Variants in ZNF804B observed in about 807,000 individuals in gnomAD.
The protein encoded by ZNF804B is zinc finger 804B.
In ZNF804B, 80 loss-of-function variants were observed where a neutral mutation model predicts 101.4. The observed-to-expected ratio is 0.79, with a 90% CI of 0.66 to 0.95. The LOEUF is 0.95. ZNF804B is among the 40% of genes least tolerant of loss of function. The pLI, the probability that ZNF804B is intolerant of heterozygous loss-of-function variation, is 0.00. For missense variants in ZNF804B, 1,673 were observed against 1,561.9 expected (o/e 1.07, Z -1.20); for synonymous variants, 622 against 558.8 (o/e 1.11, Z -1.59).
chr7:89,055,781 TC>T (rs1307862752), intron 1 of ZNF804B, among the ~76,000 whole-genome samples: 1 of 151,846 alleles, frequency 6.6e-6, no homozygotes, highest in Admixed American at 6.6e-5. Flanking sequence ...CTGCAAAAAA[TC>T]AATCAGAAAA....
chr7:89,063,109 A>G (rs1273854186), intron 1 of ZNF804B, among the ~76,000 whole-genome samples: 1 of 152,148 alleles, frequency 6.6e-6, no homozygotes, highest in Non-Finnish European at 1.5e-5. Flanking sequence ...AAGTAAGTAT[A>G]TTGTAAGTAT....
rs67535390 is a variant in ZNF804B, at chr7:89,212,252, T to TACACAC, written c.109-5871_109-5866dup. Among the ~76,000 whole-genome samples the TACACAC allele has an allele frequency of 9.4e-4, 82 of 87,176 alleles. No individual in the cohort carries two copies. In the Middle Eastern group the frequency reaches 0.015, roughly 16 times the overall value. 57.2% of individuals were successfully genotyped at this position (87,176 alleles called of 152,430 possible). ...TTATAGTGTCACATGCATTCAGTGA[T>TACACAC]ACACACACACACACACACACACACA... On this transcript the variant is annotated intron_variant, in intron 1 of 3. Coordinates refer to ENST00000333190, the MANE Select transcript of ZNF804B (RefSeq NM_181646.5).
At chr7:89,154,630 G>A (rs954422388) in intron 1 of ZNF804B, among the ~76,000 whole-genome samples, 1 of 152,066 alleles carries the variant, frequency 6.6e-6, no homozygotes, top group African/African-American at 2.4e-5. Context: ...AACATCACAT[G>A]TTCTCACTTA....
At chr7:88,793,000 T>C (rs938455299) in intron 1 of ZNF804B, among the ~76,000 whole-genome samples, 5 of 151,838 alleles carry the variant, frequency 3.3e-5, no homozygotes, top group South Asian at 4.1e-4. Flanking sequence ...AAATGAAAAA[T>C]TGAGGTGCAC....
chr7:88,967,071 A>G (rs6959888), intron 1 of ZNF804B, among the ~76,000 whole-genome samples: 16,134 of 151,396 alleles, frequency 0.11, 947 homozygotes, highest in South Asian at 0.22. Flanking sequence ...TTTTACTTAC[A>G]TATGCCTTAC....
chr7:89,048,872 G>GA (rs1209755499), intron 1 of ZNF804B, among the ~76,000 whole-genome samples: 1 of 151,824 alleles, frequency 6.6e-6, no homozygotes, highest in Non-Finnish European at 1.5e-5. Flanking sequence ...GTTTAAGGTA[G>GA]AAAAAGATGC....
At chr7:88,897,166 A>G (rs548726990) in intron 1 of ZNF804B, among the ~76,000 whole-genome samples, 180 of 152,326 alleles carry the variant, frequency 1.2e-3, no homozygotes, top group African/African-American at 4.1e-3. Context: ...TACGTAGCAT[A>G]AGGAACTTTG....
At chr7:89,032,131 A>G (rs189770316) in intron 1 of ZNF804B, among the ~76,000 whole-genome samples, 2 of 152,264 alleles carry the variant, frequency 1.3e-5, no homozygotes, top group African/African-American at 4.8e-5. Flanking sequence ...ACTAAATATG[A>G]TAGGATTAGT....
At chr7:89,216,984 G>C (rs1788905461) in intron 1 of ZNF804B, among the ~76,000 whole-genome samples, 1 of 152,148 alleles carries the variant, frequency 6.6e-6, no homozygotes, top group Non-Finnish European at 1.5e-5. Flanking sequence ...ATGGTATGAG[G>C]CATAAATATA....
At chr7:88,845,235 G>C (rs1395834519) in intron 1 of ZNF804B, among the ~76,000 whole-genome samples, 3 of 151,798 alleles carry the variant, frequency 2.0e-5, no homozygotes, top group African/African-American at 7.3e-5. Flanking sequence ...AGGTAGAAAG[G>C]TATAAACAGA....
intron 2 of ZNF804B, among the ~76,000 whole-genome samples, chr7:89,318,821 C>T (rs188677056): frequency 7.7e-4 from 117 of 152,108 alleles, no homozygotes; most frequent in African/African-American, 2.8e-3. Context: ...TAAAGACACA[C>T]GCACAGAAAT....
At chr7:88,951,779 T>A (rs1236979299) in intron 1 of ZNF804B, among the ~76,000 whole-genome samples, 1 of 151,780 alleles carries the variant, frequency 6.6e-6, no homozygotes. Flanking sequence ...ACAAAACCCA[T>A]TAATATGCAA....
At chr7:89,286,483 T>G (rs764769322) in intron 2 of ZNF804B, among the ~76,000 whole-genome samples, 2 of 152,184 alleles carry the variant, frequency 1.3e-5, no homozygotes, top group Non-Finnish European at 2.9e-5. Context: ...CATGACTTCA[T>G]AGGATTTACA....
At chr7:89,269,655 G>C (rs1789853089) in intron 2 of ZNF804B, among the ~76,000 whole-genome samples, 1 of 152,252 alleles carries the variant, frequency 6.6e-6, no homozygotes, top group South Asian at 2.1e-4. Context: ...TTCCACAATG[G>C]TTGAACTAGT....
chr7:88,870,699 G>A (rs910462780), intron 1 of ZNF804B, among the ~76,000 whole-genome samples: 1 of 152,080 alleles, frequency 6.6e-6, no homozygotes, highest in East Asian at 1.9e-4. Flanking sequence ...GATGCCAAAA[G>A]GAGTCAATCC....
intron 1 of ZNF804B, among the ~76,000 whole-genome samples, chr7:88,980,040 T>A (rs1300605169): frequency 1.3e-5 from 2 of 151,926 alleles, no homozygotes; most frequent in East Asian, 3.9e-4. Flanking sequence ...GTTGGATTTT[T>A]CAGCTGCAGA....
chr7:89,237,680 A>T (rs1434680914), intron 2 of ZNF804B, among the ~76,000 whole-genome samples: 1 of 152,188 alleles, frequency 6.6e-6, no homozygotes, highest in Admixed American at 6.5e-5. Context: ...TCTTAGGTTC[A>T]CAGCTGGGTG....
chr7:89,244,818 C>T (rs756629254), intron 2 of ZNF804B, among the ~76,000 whole-genome samples: 22 of 152,032 alleles, frequency 1.4e-4, no homozygotes, highest in Non-Finnish European at 1.3e-4. Context: ...ATCCATAGTG[C>T]TAAGGGAATG....
chr7:88,924,879 T>C (rs961113401), intron 1 of ZNF804B, among the ~76,000 whole-genome samples: 28 of 152,324 alleles, frequency 1.8e-4, no homozygotes, highest in African/African-American at 6.5e-4. Context: ...TAGTACACAG[T>C]AAATACATAT....
Sources: gnomAD v4.1 joint callset for allele counts (sites outside exome capture counted in the v4.1 genomes callset) on GRCh38, gnomAD v4.1.1 for gene constraint, MANE v1.5 for transcripts, NCBI Gene and HGNC (gene_info 2026-07-23, HGNC 2026-07-21) for gene names.